The following GNAI1 variants were observed in gnomAD, a reference collection of about 807,000 sequenced individuals.
The protein encoded by GNAI1 is guanine nucleotide-binding protein G(i) subunit alpha-1.
GNAI1 carries 11 observed loss-of-function variants against 38.9 expected under a neutral mutation model. The observed-to-expected ratio is 0.28, with a 90% CI of 0.18 to 0.47. The LOEUF is 0.47. GNAI1 is among the 20% of genes least tolerant of loss of function. GNAI1 has a pLI of 0.99. For missense variants in GNAI1, 317 were observed against 436.9 expected, an observed-to-expected ratio of 0.73 and a Z score of 2.45; for synonymous variants, 166 against 145.1, an observed-to-expected ratio of 1.14 and a Z score of -1.04.
At chr7:80,187,213 G>GTGTGTGTGTGTGTGTGTCTT (rs1788402095) in intron 1 of GNAI1, 1 of 131,946 alleles carries the variant, frequency 7.6e-6, no homozygotes, top group African/African-American at 4.1e-5. Context: ...GTGTCTTTGT[G>GTGTGTGTGTGTGTGTGTCTT]TGTGTGTGTG....
chr7:80,140,642 G>A (rs541437691), intron 1 of GNAI1, among the ~76,000 whole-genome samples: 1 of 152,174 alleles, frequency 6.6e-6, no homozygotes, highest in Non-Finnish European at 1.5e-5. Flanking sequence ...TACGAACTAA[G>A]GTCAGCTCTA....
At chr7:80,137,946 G>C (rs941712614) in intron 1 of GNAI1, among the ~76,000 whole-genome samples, 3 of 152,154 alleles carry the variant, frequency 2.0e-5, no homozygotes, top group Non-Finnish European at 4.4e-5. Flanking sequence ...GTAGTAAATT[G>C]TGACCTTTTG....
At chr7:80,143,268 A>G (rs1787558381) in intron 1 of GNAI1, among the ~76,000 whole-genome samples, 1 of 152,200 alleles carries the variant, frequency 6.6e-6, no homozygotes, top group African/African-American at 2.4e-5. Context: ...ATAATGTCAA[A>G]TGGGGAAGAA....
chr7:80,148,428 A>G (rs538794836), intron 1 of GNAI1, among the ~76,000 whole-genome samples: 25 of 152,120 alleles, frequency 1.6e-4, no homozygotes, highest in Non-Finnish European at 3.5e-4. Context: ...GAGAATCGGT[A>G]GGACTTAGGC....
At chr7:80,147,625 G>A (rs1787651237) in intron 1 of GNAI1, among the ~76,000 whole-genome samples, 1 of 152,124 alleles carries the variant, frequency 6.6e-6, no homozygotes, top group Admixed American at 6.6e-5. Context: ...TGAAATAATC[G>A]TGCTGCTTCC....
chr7:80,205,320 T>G (rs1022821416), intron 5 of GNAI1, among the ~76,000 whole-genome samples: 1 of 148,694 alleles, frequency 6.7e-6, no homozygotes, highest in Non-Finnish European at 1.5e-5. Context: ...ATATTTTTGT[T>G]TTTTTTTTAA....
rs1789030110 is a variant in GNAI1, at chr7:80,219,211, T to C, written c.*1718T>C. ...GATATGTTTTCATTAATTTTACTGG[T>C]GGACCTGTAATATCCACATTGTGAA... On this transcript the variant is annotated 3_prime_UTR_variant, in exon 8 of 8. Coordinates refer to ENST00000649796, the MANE Select transcript of GNAI1 (RefSeq NM_002069.6). 6.6e-6 allele frequency: 1 copy of C among 152,612 alleles called. No individual in the cohort carries two copies. 9.5% of individuals were successfully genotyped at this position (152,612 alleles called of 1,614,324 possible).
At chr7:80,170,492 A>G (rs956207282) in intron 1 of GNAI1, among the ~76,000 whole-genome samples, 6 of 152,210 alleles carry the variant, frequency 3.9e-5, no homozygotes, top group East Asian at 3.8e-4. Context: ...ACTGCTATCA[A>G]GAAATACCTG....
intron 7 of GNAI1, among the ~76,000 whole-genome samples, chr7:80,214,716 G>T (rs1189023006): frequency 6.6e-6 from 1 of 152,166 alleles, no homozygotes; most frequent in Non-Finnish European, 1.5e-5. Flanking sequence ...GAAGAACCCT[G>T]TGTAGCCCCT....
chr7:80,212,893 C>T, intron 7 of GNAI1, 24 bp downstream of exon 7: 2 of 1,478,530 alleles, frequency 1.4e-6, no homozygotes, highest in Non-Finnish European at 1.8e-6. Context: ...CTGGGAATAA[C>T]TTGTCAAGTT....
chr7:80,188,866 G>GT (rs1330155008), intron 1 of GNAI1, 85 bp from the exon 2 acceptor site: 9 of 811,308 alleles, frequency 1.1e-5, no homozygotes, highest in Non-Finnish European at 1.7e-5. Flanking sequence ...GTGTGTGTGT[G>GT]TGTGTGTGTG....
intron 1 of GNAI1, among the ~76,000 whole-genome samples, chr7:80,148,497 A>T (rs1265262016): frequency 1.3e-5 from 2 of 150,622 alleles, no homozygotes; most frequent in Non-Finnish European, 3.0e-5. Context: ...GTCGACGTTT[A>T]TGTCCATCAG....
Position 80,135,133 on chromosome 7 carries a change from G to C in GNAI1, c.-28G>C. ...GAGCCCGCACTCGGGCGCGGAGGGA[G>C]CGGCGGCAGGCTCTCGCTTTCGGCA... On this transcript the variant is annotated 5_prime_UTR_variant, in exon 1 of 8. Transcript: ENST00000649796. 1 of 1,435,306 alleles carries C rather than the reference G, an allele frequency of 7.0e-7. No homozygotes were observed. The highest frequency in any genetic ancestry group is 9.3e-7 in the Non-Finnish European group (1 of 1,075,036). 88.9% of individuals were successfully genotyped at this position (1,435,306 alleles called of 1,614,324 possible). A position where few individuals can be genotyped will look rare whatever the true frequency, so the allele number is the denominator to read the frequency against.
At chr7:80,199,561 G>A (rs1418001843) in intron 4 of GNAI1, among the ~76,000 whole-genome samples, 179 bp downstream of exon 4, 2 of 152,022 alleles carry the variant, frequency 1.3e-5, no homozygotes, top group Non-Finnish European at 2.9e-5. Context: ...AGATAGCAAC[G>A]TTATTTCCTA....
At chr7:80,149,426 C>T (rs1266752576) in intron 1 of GNAI1, among the ~76,000 whole-genome samples, 1 of 152,040 alleles carries the variant, frequency 6.6e-6, no homozygotes, top group Non-Finnish European at 1.5e-5. Flanking sequence ...TATTCACCCC[C>T]TAAATGGTCC....
At chr7:80,155,776 G>C (rs1331456518) in intron 1 of GNAI1, among the ~76,000 whole-genome samples, 1 of 152,060 alleles carries the variant, frequency 6.6e-6, no homozygotes, top group Non-Finnish European at 1.5e-5. Context: ...TTAGAAAACT[G>C]CTGGGCATGG....
intron 1 of GNAI1, among the ~76,000 whole-genome samples, chr7:80,181,079 A>G (rs1788284766): frequency 6.6e-6 from 1 of 152,100 alleles, no homozygotes; most frequent in African/African-American, 2.4e-5. Flanking sequence ...AAATCACTGT[A>G]TCTTAAGTGA....
intron 1 of GNAI1, among the ~76,000 whole-genome samples, chr7:80,161,220 G>T (rs544080521): frequency 3.9e-5 from 6 of 152,246 alleles, no homozygotes; most frequent in South Asian, 2.1e-4. Context: ...AAGTACTGTT[G>T]CATTATTACC....
chr7:80,156,055 A>G (rs1787812665), intron 1 of GNAI1, among the ~76,000 whole-genome samples: 1 of 151,396 alleles, frequency 6.6e-6, no homozygotes, highest in African/African-American at 2.4e-5. Flanking sequence ...AAAAAAAAAA[A>G]AAAAAAAAGA....
Sources: gnomAD v4.1 joint callset for allele counts (sites outside exome capture counted in the v4.1 genomes callset) on GRCh38, gnomAD v4.1.1 for gene constraint, MANE v1.5 for transcripts, NCBI Gene and HGNC (gene_info 2026-07-23, HGNC 2026-07-21) for gene names.